Variants in NELL1 observed in about 807,000 individuals in gnomAD.
NELL1 encodes neural EGFL like 1, also known as protein kinase C-binding protein NELL1.
A neutral mutation model predicts 107.4 loss-of-function variants in NELL1; 76 were observed. The observed-to-expected ratio is 0.71, with a 90% CI of 0.59 to 0.86. The LOEUF is 0.86. Among genes scored for constraint, NELL1 ranks in the 40% least tolerant of loss-of-function variants. The probability of loss-of-function intolerance (pLI) is 0.00; values close to 1 mark genes in which losing one functional copy is unlikely to be tolerated. For synonymous variants in NELL1, 353 were observed against 341.2 expected, an observed-to-expected ratio of 1.03 and a Z score of -0.38; for missense variants, 1,024 against 1,005.5, an observed-to-expected ratio of 1.02 and a Z score of -0.25.
intron 16 of NELL1, among the ~76,000 whole-genome samples, chr11:21,537,215 C>T (rs1050862677): frequency 6.6e-6 from 1 of 152,158 alleles, no homozygotes; most frequent in Non-Finnish European, 1.5e-5. Flanking sequence ...GGGCAAACAA[C>T]TATGTAAGTC....
chr11:21,387,308 A>T (rs1420978184), intron 15 of NELL1, among the ~76,000 whole-genome samples: 2 of 151,784 alleles, frequency 1.3e-5, no homozygotes, highest in African/African-American at 4.8e-5. Context: ...ACTTTTCACC[A>T]TTAAAGACAC....
At chr11:21,197,195 A>T (rs2924597) in intron 13 of NELL1, among the ~76,000 whole-genome samples, 96,959 of 147,154 alleles carry the variant, frequency 0.66, 35,249 homozygotes, top group Non-Finnish European at 0.81. Flanking sequence ...TTAATTCTTA[A>T]GCCAGTCTTT....
intron 5 of NELL1, among the ~76,000 whole-genome samples, chr11:20,900,958 A>G (rs2134131729): frequency 6.6e-6 from 1 of 152,272 alleles, no homozygotes; most frequent in South Asian, 2.1e-4. Context: ...AACTAGAAAT[A>G]GAAGGAAACT....
intron 12 of NELL1, among the ~76,000 whole-genome samples, chr11:21,061,069 A>C (rs1008848381): frequency 6.6e-6 from 1 of 152,120 alleles, no homozygotes; most frequent in Non-Finnish European, 1.5e-5. Flanking sequence ...AGGGACTTTG[A>C]TATTGCAAAG....
Position 21,518,298 on chromosome 11 carries a change from T to A in NELL1, c.1646-16076T>A, listed in dbSNP as rs557002657. On this transcript the variant is annotated intron_variant, in intron 15 of 19. Transcript: ENST00000357134. Reference sequence around the variant, plus strand: ...TGAAAGAATTTTTCTCTGGGTGTAATCAGATGATGACAGAAATATGGTGAA... The same window carrying A: ...TGAAAGAATTTTTCTCTGGGTGTAAACAGATGATGACAGAAATATGGTGAA... Among the ~76,000 whole-genome samples, 5 of 152,260 alleles carry A rather than the reference T, an allele frequency of 3.3e-5. No individual in the cohort carries two copies. The East Asian group carries it at 9.7e-4, about 30-fold the overall frequency.
intron 3 of NELL1, among the ~76,000 whole-genome samples, chr11:20,805,556 A>G (rs919189254): frequency 4.4e-4 from 67 of 152,062 alleles, no homozygotes; most frequent in Admixed American, 4.4e-3. Context: ...GTCTCGCTCT[A>G]TTACCCAGGC....
At chr11:20,865,826 C>T (rs79786820) in intron 4 of NELL1, among the ~76,000 whole-genome samples, 6,378 of 152,152 alleles carry the variant, frequency 0.042, 406 homozygotes, top group African/African-American at 0.15. Flanking sequence ...TAAACAATGC[C>T]GTTTAATCTA....
At chr11:21,539,919 C>T (rs1591019017) in intron 16 of NELL1, among the ~76,000 whole-genome samples, 1 of 152,008 alleles carries the variant, frequency 6.6e-6, no homozygotes, top group Middle Eastern at 3.4e-3. Flanking sequence ...TTCCCTGTCT[C>T]CTGTCCATAT....
chr11:20,961,160 T>C (rs778861113), intron 12 of NELL1, among the ~76,000 whole-genome samples: 2 of 152,180 alleles, frequency 1.3e-5, no homozygotes, highest in Non-Finnish European at 2.9e-5. Context: ...CCCACATTTC[T>C]GCTCTAGAGA....
chr11:21,535,810 C>T (rs1243224908), intron 16 of NELL1, among the ~76,000 whole-genome samples: 1 of 152,126 alleles, frequency 6.6e-6, no homozygotes. Context: ...TTAAATGTCA[C>T]TGTGTATTCA....
At chr11:21,542,681 A>G (rs1856320327) in intron 16 of NELL1, among the ~76,000 whole-genome samples, 1 of 152,056 alleles carries the variant, frequency 6.6e-6, no homozygotes, top group African/African-American at 2.4e-5. Flanking sequence ...GAGAAGAAAA[A>G]GGAAAGAAAG....
At chr11:21,468,402 C>T (rs757423779) in intron 15 of NELL1, among the ~76,000 whole-genome samples, 4 of 151,764 alleles carry the variant, frequency 2.6e-5, no homozygotes, top group Non-Finnish European at 4.4e-5. Flanking sequence ...TTCTGCCTAA[C>T]GTTATGTAAT....
chr11:21,304,844 A>T (rs900792064), intron 14 of NELL1, among the ~76,000 whole-genome samples: 44 of 152,106 alleles, frequency 2.9e-4, no homozygotes, highest in African/African-American at 1.0e-3. Context: ...CTCCTAATAA[A>T]TAATATGATG....
chr11:21,082,921 T>A (rs1854303476), intron 12 of NELL1, among the ~76,000 whole-genome samples: 3 of 152,224 alleles, frequency 2.0e-5, no homozygotes, highest in African/African-American at 7.2e-5. Flanking sequence ...CTACTCTTTA[T>A]TTTTCCTGTA....
intron 13 of NELL1, among the ~76,000 whole-genome samples, chr11:21,224,144 C>A (rs142008506): frequency 2.6e-5 from 4 of 152,086 alleles, no homozygotes; most frequent in Non-Finnish European, 4.4e-5. Flanking sequence ...TTGGCAAGGA[C>A]CTTCTTGGGT....
intron 4 of NELL1, among the ~76,000 whole-genome samples, chr11:20,859,281 A>G (rs1848935638): frequency 6.6e-6 from 1 of 152,130 alleles, no homozygotes; most frequent in Non-Finnish European, 1.5e-5. Flanking sequence ...ATAAATTCCA[A>G]GTATAGCTGA....
chr11:21,364,251 A>T (rs1281546104), intron 14 of NELL1, among the ~76,000 whole-genome samples: 1 of 151,764 alleles, frequency 6.6e-6, no homozygotes, highest in Non-Finnish European at 1.5e-5. Flanking sequence ...TCTACTAAAA[A>T]TACAAAAAAA....
At chr11:21,351,993 T>G (rs999485693) in intron 14 of NELL1, among the ~76,000 whole-genome samples, 13 of 152,166 alleles carry the variant, frequency 8.5e-5, no homozygotes, top group African/African-American at 2.7e-4. Context: ...CAACTCAGCC[T>G]CTGACTCACT....
chr11:21,264,104 GTC>G (rs1848591507), intron 14 of NELL1, among the ~76,000 whole-genome samples: 1 of 151,386 alleles, frequency 6.6e-6, no homozygotes, highest in Non-Finnish European at 1.5e-5. Context: ...GTGTTTGTGT[GTC>G]TGTCTGTCTC....
Sources: allele counts gnomAD v4.1 joint callset (sites outside exome capture counted in the v4.1 genomes callset), GRCh38; gene constraint gnomAD v4.1.1; transcripts MANE v1.5; gene names NCBI Gene and HGNC (gene_info 2026-07-23, HGNC 2026-07-21).